The following LTBR variants were observed in gnomAD, a reference collection of about 807,000 sequenced individuals.
LTBR encodes lymphotoxin beta receptor, also known as tumor necrosis factor receptor superfamily member 3.
In LTBR, 15 loss-of-function variants were observed where a neutral mutation model predicts 45.4. The ratio of observed to expected loss-of-function variants is 0.33; its 90% CI spans 0.22 to 0.51. The LOEUF (loss-of-function observed/expected upper bound fraction) is 0.51. Among genes scored for constraint, LTBR ranks in the 20% least tolerant of loss-of-function variants. The pLI is 0.97. For synonymous variants in LTBR, 228 were observed against 231.0 expected (o/e 0.99, Z 0.12); for missense variants, 450 against 565.5 (o/e 0.80, Z 2.07).
chr12:6,382,835 C>G (rs1948997598), upstream of LTBR, among the ~76,000 whole-genome samples: 1 of 152,182 alleles, frequency 6.6e-6, no homozygotes, highest in Non-Finnish European at 1.5e-5. Context: ...TGACCTATCT[C>G]AAGAGAGGTT....
At chr12:6,383,997 G>T (rs1343980131), upstream of LTBR, 6 of 1,136,284 alleles carry the variant, frequency 5.3e-6, no homozygotes, top group Non-Finnish European at 6.5e-6. Context: ...TTCCGAAGAA[G>T]GGAGGAGGCC....
exon 1 of LTBR, chr12:6,375,554 G>T (rs1334823569): frequency 6.5e-7 from 1 of 1,535,018 alleles, no homozygotes; most frequent in African/African-American, 1.4e-5. Flanking sequence ...GGCCGGCCAG[G>T]GATGGAAGCG....
chr12:6,375,870 G>T (rs898904067), intron 1 of LTBR: 5 of 1,296,370 alleles, frequency 3.9e-6, no homozygotes, highest in Non-Finnish European at 4.9e-6. Flanking sequence ...TGGGGAACCG[G>T]GAGGACAGGA....
At position 6,376,190 on chromosome 12, in the gene LTBR, C is replaced by T. The variant is rs879615515; in HGVS notation, c.39+596C>T. On this transcript the variant is annotated intron_variant, in intron 1 of 9. Transcript: ENST00000539925. ...CTCCCCGCTCACTAAGTGGGAGCAG[C>T]GCACTCAGGTGGGATGCGTCTGCCT... The T allele has an allele frequency of 2.1e-5, 21 of 985,340 alleles. No homozygotes were observed. The East Asian group carries it at 5.7e-4, about 27-fold the overall frequency. The allele number at this position is 985,340 out of a possible 1,614,324, so 61.0% of individuals were successfully genotyped here. A position where few individuals can be genotyped will look rare whatever the true frequency, so the allele number is the denominator to read the frequency against.
upstream of LTBR, among the ~76,000 whole-genome samples, chr12:6,379,350 C>T (rs940860021): frequency 1.3e-5 from 2 of 152,234 alleles, no homozygotes; most frequent in African/African-American, 4.8e-5. Context: ...CTAACTTCCT[C>T]TGACAACCCA....
At chr12:6,375,202 C>T, upstream of LTBR, 1 of 1,446,024 alleles carries the variant, frequency 6.9e-7, no homozygotes, top group Non-Finnish European at 9.0e-7. Context: ...GCCTCTCACT[C>T]CCTCTCTATC....
Position 6,386,601 on chromosome 12 carries a change from G to T in LTBR, c.667+157G>T. ...AAAAAATTGGAGTATCTCTAGGCTAGTTTACACACACACACACACACACAC... is the reference window on the plus strand; with the variant it reads ...AAAAAATTGGAGTATCTCTAGGCTATTTTACACACACACACACACACACAC... On this transcript the variant is annotated intron_variant, in intron 6 of 9. Coordinates refer to ENST00000228918, the MANE Select transcript of LTBR (RefSeq NM_002342.3). This position sits in a 1 kb window ranked among gnomAD's most constrained non-coding sequence, Gnocchi z 4.1. 4 of 576,148 alleles carry T rather than the reference G, an allele frequency of 6.9e-6. No individual in the cohort carries two copies. Among genetic ancestry groups the T allele is most frequent in the Admixed American group, 3.1e-5 (1 of 32,716 alleles). 35.7% of individuals were successfully genotyped at this position (576,148 alleles called of 1,614,324 possible). A position where few individuals can be genotyped will look rare whatever the true frequency, so the allele number is the denominator to read the frequency against.
intron 1 of LTBR, among the ~76,000 whole-genome samples, chr12:6,378,721 A>T (rs1244472600): frequency 6.6e-6 from 1 of 152,164 alleles, no homozygotes; most frequent in East Asian, 1.9e-4. Context: ...TTCCAAGCCC[A>T]GTTCTCCTTC....
upstream of LTBR, among the ~76,000 whole-genome samples, chr12:6,380,596 A>G (rs1406344653): frequency 6.6e-6 from 1 of 152,070 alleles, no homozygotes; most frequent in African/African-American, 2.4e-5. Flanking sequence ...GGCTGAGGCC[A>G]GGAAAATCAC....
chr12:6,386,079 G>A lies in LTBR; in HGVS notation c.486G>A (p.Lys162=), dbSNP rs1429361623. The change falls in exon 5 of 10, where the codon AAG becomes AAA. Residue 162 remains lysine (K), a synonymous_variant. Coordinates refer to ENST00000228918, the MANE Select transcript of LTBR (RefSeq NM_002342.3). The surrounding 1 kb of genome is among the most constrained non-coding windows in gnomAD (Gnocchi z 4.1). The part of the protein sequence containing the change: ...TEAELKDEVG[K]GNNHCVPCKA... ...TTCTCTTGCCAGATGAAGTTGGGAA[G>A]GGTAACAACCACTGCGTCCCCTGCA... 7 of 1,613,682 alleles carry A rather than the reference G, an allele frequency of 4.3e-6. No individual in the cohort carries two copies. The highest frequency in any genetic ancestry group is 5.1e-6 in the Non-Finnish European group (6 of 1,179,640).
chr12:6,384,897 A>G, intron 2 of LTBR, 125 bp from the exon 3 acceptor site: 1 of 1,313,618 alleles, frequency 7.6e-7, no homozygotes, highest in Non-Finnish European at 1.1e-6. Context: ...AGGGAGCCGG[A>G]GGGCCACTGG....
At chr12:6,375,505 C>G (rs889570109) in exon 1 of LTBR, 5 of 1,535,518 alleles carry the variant, frequency 3.3e-6, no homozygotes, top group Non-Finnish European at 3.5e-6. Flanking sequence ...TCCCCCTCAC[C>G]TGACAGGTGC....
upstream of LTBR, among the ~76,000 whole-genome samples, chr12:6,382,046 G>A (rs999472674): frequency 6.6e-6 from 1 of 152,016 alleles, no homozygotes; most frequent in Non-Finnish European, 1.5e-5. Flanking sequence ...ATACACAAAA[G>A]TGAAGACTCT....
chr12:6,390,441 C>A, intron 9 of LTBR, 101 bp downstream of exon 9: 1 of 1,076,790 alleles, frequency 9.3e-7, no homozygotes, highest in Non-Finnish European at 1.3e-6. Flanking sequence ...AAAACAGAGG[C>A]AGACAGAGAC....
intron 4 of LTBR, 118 bp from the exon 5 acceptor site, chr12:6,385,948 G>C: frequency 1.5e-6 from 1 of 684,454 alleles, no homozygotes; most frequent in Non-Finnish European, 2.6e-6. Flanking sequence ...CTTGGGAAAG[G>C]TGAGAGCTAC....
chr12:6,383,579 G>A (rs1220673663), upstream of LTBR, among the ~76,000 whole-genome samples: 5 of 152,158 alleles, frequency 3.3e-5, no homozygotes, highest in African/African-American at 4.8e-5. Context: ...CAGGGAGCAG[G>A]GCAAGCTGCA....
intron 1 of LTBR, chr12:6,376,284 G>A: frequency 1.5e-6 from 1 of 681,254 alleles, no homozygotes; most frequent in Non-Finnish European, 1.8e-6. Flanking sequence ...ACCCGGGAGG[G>A]GCCCAGGTGA....
upstream of LTBR, among the ~76,000 whole-genome samples, chr12:6,379,188 G>A (rs1948951903): frequency 6.6e-6 from 1 of 152,172 alleles, no homozygotes; most frequent in Non-Finnish European, 1.5e-5. Flanking sequence ...CAAGGACAGA[G>A]ACCAGGCGTA....
rs116609490 is a variant in LTBR at position 6,388,834 on chromosome 12, G to A, written c.801+9G>A. 1,399 of 1,613,962 alleles carry A rather than the reference G, an allele frequency of 8.7e-4. 15 individuals are homozygous for A. In the African/African-American group the frequency reaches 0.013, roughly 16 times the overall value. The stretch of plus-strand genomic sequence containing the variant: ...TCAAGAGGCGTCCGCAGGTAATGGC[G>A]GGGGCTGAGAAGGCAGCAAGAAGGG... On this transcript the variant is annotated intron_variant, in intron 8 of 9. Transcript: ENST00000228918. This position sits in a 1 kb window ranked among gnomAD's most constrained non-coding sequence, Gnocchi z 4.3.
Sources: gnomAD v4.1 joint callset for allele counts (sites outside exome capture counted in the v4.1 genomes callset) on GRCh38, gnomAD v4.1.1 for gene constraint, Gnocchi (gnomAD v3.1) non-coding constraint, MANE v1.5 for transcripts, NCBI Gene and HGNC (gene_info 2026-07-23, HGNC 2026-07-21) for gene names.